The following FAAH2 variants were observed in gnomAD, a reference collection of about 807,000 sequenced individuals.
The protein encoded by FAAH2 is fatty acid amide hydrolase 2.
A neutral mutation model predicts 36.9 loss-of-function variants in FAAH2; 60 were observed. The ratio of observed to expected loss-of-function variants is 1.63; its 90% CI spans 1.32 to 2.02. The LOEUF is 2.02. FAAH2 is among the 30% of genes most tolerant of loss of function. FAAH2 has a pLI of 0.00. For missense variants in FAAH2, 689 were observed against 397.5 expected (o/e 1.73, Z -6.23); for synonymous variants, 214 against 143.8 (o/e 1.49, Z -3.49).
chrX:57,151,945 GC>G, the FAAH2 span, among the ~76,000 whole-genome samples: 315 of 111,608 alleles, frequency 2.8e-3, no homozygotes, highest in African/African-American at 9.6e-3. Context: ...TGGTGGGGAT[GC>G]CCTTTCTGTT....
intron 10 of FAAH2, among the ~76,000 whole-genome samples, chrX:57,455,822 A>T (rs1340985913): frequency 2.7e-5 from 3 of 112,030 alleles, no homozygotes; most frequent in Admixed American, 9.4e-5. Flanking sequence ...TTCCTAACCA[A>T]TGGAAAGATT....
the FAAH2 span, among the ~76,000 whole-genome samples, chrX:57,275,230 A>T: frequency 5.3e-5 from 6 of 112,620 alleles, no homozygotes; most frequent in South Asian, 3.7e-4. Flanking sequence ...GGAGAACTAC[A>T]AACCACTGCT....
At chrX:57,348,701 TAC>T (rs1035754064) in intron 5 of FAAH2, among the ~76,000 whole-genome samples, 1 of 111,110 alleles carries the variant, frequency 9.0e-6, no homozygotes, top group Non-Finnish European at 1.9e-5. Context: ...AAAAATACTA[TAC>T]AGAGATTTAA....
At chrX:57,335,356 A>T (rs1342951040) in intron 4 of FAAH2, among the ~76,000 whole-genome samples, 1 of 112,068 alleles carries the variant, frequency 8.9e-6, no homozygotes, top group Non-Finnish European at 1.9e-5. Flanking sequence ...TTTCCCGGAG[A>T]GGGGGATGTG....
chrX:57,306,171 C>T (rs2052517681), intron 2 of FAAH2, among the ~76,000 whole-genome samples: 1 of 111,639 alleles, frequency 9.0e-6, no homozygotes, highest in Non-Finnish European at 1.9e-5. Flanking sequence ...TTTGTGCAAC[C>T]AAAGTGTGAG....
intron 10 of FAAH2, among the ~76,000 whole-genome samples, chrX:57,455,115 C>A (rs757800585): frequency 1.8e-5 from 2 of 111,736 alleles, no homozygotes; most frequent in East Asian, 2.8e-4. Context: ...CTGTAAGAAA[C>A]CTACAAGTGA....
chrX:57,306,273 C>T (rs946113860), intron 2 of FAAH2, among the ~76,000 whole-genome samples: 1 of 111,133 alleles, frequency 9.0e-6, no homozygotes, highest in South Asian at 3.8e-4. Context: ...ACTTAGAGTG[C>T]TGGCCTTTAC....
chrX:57,401,975 C>T (rs1337981122), intron 7 of FAAH2, among the ~76,000 whole-genome samples: 1 of 111,339 alleles, frequency 9.0e-6, no homozygotes. Context: ...TAGTGACTGG[C>T]TGTCCTAGGA....
At chrX:57,261,919 A>T in the FAAH2 span, among the ~76,000 whole-genome samples, 1 of 111,746 alleles carries the variant, frequency 8.9e-6, no homozygotes, top group Non-Finnish European at 1.9e-5. Context: ...TATGGAAATT[A>T]GGAAACATCA....
At chrX:57,475,535 C>A (rs1034783784) in intron 10 of FAAH2, among the ~76,000 whole-genome samples, 1 of 111,369 alleles carries the variant, frequency 9.0e-6, no homozygotes, top group African/African-American at 3.3e-5. Context: ...GGTCTCTGTT[C>A]TGTTCCATTG....
chrX:57,232,589 G>A, the FAAH2 span, among the ~76,000 whole-genome samples: 2 of 112,183 alleles, frequency 1.8e-5, no homozygotes, highest in Admixed American at 9.4e-5. Flanking sequence ...TTTTTATGAT[G>A]TTTCCAGTTA....
intron 10 of FAAH2, among the ~76,000 whole-genome samples, chrX:57,484,748 T>C (rs2057443797): frequency 9.0e-6 from 1 of 111,426 alleles, no homozygotes; most frequent in African/African-American, 3.3e-5. Context: ...GTTAGGTTAG[T>C]CTGACCTCAG....
the FAAH2 span, among the ~76,000 whole-genome samples, chrX:57,225,716 T>A: frequency 1.8e-5 from 2 of 111,807 alleles, no homozygotes; most frequent in African/African-American, 6.5e-5. Flanking sequence ...CTTGATGACC[T>A]GTCTATTGCT....
chrX:57,145,449 G>A, the FAAH2 span, among the ~76,000 whole-genome samples: 2 of 111,437 alleles, frequency 1.8e-5, no homozygotes, highest in African/African-American at 6.5e-5. Flanking sequence ...AGGAGATTCC[G>A]GATATTAGTC....
the FAAH2 span, among the ~76,000 whole-genome samples, chrX:57,162,389 T>C: frequency 9.0e-6 from 1 of 111,629 alleles, no homozygotes; most frequent in Non-Finnish European, 1.9e-5. Flanking sequence ...CTGTATTTCC[T>C]GTATCTGAAT....
Position 57,381,163 on chromosome X carries a change from G to A in FAAH2, c.996+134G>A, listed in dbSNP as rs1240879885. ...AAGGTTTTCAGAACAGTTATACTAAGGAATTTTGGATGTAATTTTTCATGG... is the reference window on the plus strand; with the variant it reads ...AAGGTTTTCAGAACAGTTATACTAAAGAATTTTGGATGTAATTTTTCATGG... On this transcript the variant is annotated intron_variant, in intron 7 of 10. Transcript: ENST00000374900. 4 of 408,875 alleles carry A rather than the reference G, an allele frequency of 9.8e-6. No homozygotes were observed. The South Asian group carries it at 1.6e-4, about 17-fold the overall frequency. The allele number at this position is 408,875 out of a possible 1,213,427, so 33.7% of individuals were successfully genotyped here.
the FAAH2 span, among the ~76,000 whole-genome samples, chrX:57,270,748 C>T: frequency 9.0e-6 from 1 of 111,156 alleles, no homozygotes; most frequent in Non-Finnish European, 1.9e-5. Flanking sequence ...ATTTTCTCCC[C>T]TACACAAGAG....
At chrX:57,180,552 C>T in the FAAH2 span, among the ~76,000 whole-genome samples, 1 of 110,860 alleles carries the variant, frequency 9.0e-6, no homozygotes, top group African/African-American at 3.3e-5. Flanking sequence ...TGCAATCTCC[C>T]AAGGCAAAAG....
At chrX:57,243,637 G>A in the FAAH2 span, among the ~76,000 whole-genome samples, 2 of 112,042 alleles carry the variant, frequency 1.8e-5, no homozygotes, top group South Asian at 7.5e-4. Flanking sequence ...GCAGTCTCCA[G>A]CAGACCTGCA....
Sources: gnomAD v4.1 joint callset for allele counts (sites outside exome capture counted in the v4.1 genomes callset) on GRCh38, gnomAD v4.1.1 for gene constraint, MANE v1.5 for transcripts, NCBI Gene and HGNC (gene_info 2026-07-23, HGNC 2026-07-21) for gene names.